Variants in DGKK observed in about 807,000 individuals in gnomAD.
The protein encoded by DGKK is 142 kDa diacylglycerol kinase.
DGKK carries 35 observed loss-of-function variants against 92.2 expected under a neutral mutation model. The observed-to-expected ratio is 0.38, with a 90% CI of 0.29 to 0.50. The LOEUF (loss-of-function observed/expected upper bound fraction) is 0.50. DGKK is among the 20% of genes least tolerant of loss of function. The pLI is 0.92. For synonymous variants in DGKK, 368 were observed against 360.6 expected (o/e 1.02, Z -0.23); for missense variants, 910 against 992.2 (o/e 0.92, Z 1.11).
At chrX:50,429,730 T>A (rs1557230093) in intron 1 of DGKK, among the ~76,000 whole-genome samples, 2 of 112,548 alleles carry the variant, frequency 1.8e-5, no homozygotes, top group African/African-American at 6.5e-5. Flanking sequence ...GACTATTCCA[T>A]ACTAGAACTC....
intron 1 of DGKK, among the ~76,000 whole-genome samples, chrX:50,464,935 C>T (rs1000291715): frequency 9.0e-6 from 1 of 111,277 alleles, no homozygotes; most frequent in African/African-American, 3.3e-5. Context: ...ATCCCCTTTT[C>T]CACCTCCCAT....
intron 4 of DGKK, among the ~76,000 whole-genome samples, chrX:50,416,929 C>T (rs192451146): frequency 1.0e-3 from 114 of 110,146 alleles, no homozygotes; most frequent in Middle Eastern, 4.7e-3. Flanking sequence ...GAGGAATTTA[C>T]GATATCCTCC....
At chrX:50,370,845 C>T (rs1924104846) in intron 26 of DGKK, among the ~76,000 whole-genome samples, 1 of 112,338 alleles carries the variant, frequency 8.9e-6, no homozygotes, top group South Asian at 3.7e-4. Flanking sequence ...GATGAGGAAG[C>T]AGAAGCTTGG....
At chrX:50,388,764 T>C (rs1924614842) in intron 12 of DGKK, 146 bp from the exon 13 acceptor site, 1 of 423,965 alleles carries the variant, frequency 2.4e-6, no homozygotes, top group Non-Finnish European at 4.0e-6. Context: ...GATCAAAGAA[T>C]TCTTGTTGAA....
At chrX:50,392,824 G>A (rs1557225705) in intron 9 of DGKK, among the ~76,000 whole-genome samples, 1 of 109,189 alleles carries the variant, frequency 9.2e-6, no homozygotes, top group East Asian at 2.8e-4. Flanking sequence ...CCGGGAAAGA[G>A]AGTGGCAGGA....
rs781998666 is a variant in DGKK at position 50,401,147 on chromosome X, G to A, written c.1309-8C>T. The A allele has an allele frequency of 1.9e-5, 22 of 1,176,345 alleles. No individual in the cohort carries two copies. The Admixed American group carries it at 3.5e-4, about 19-fold the overall frequency. On this transcript the variant is annotated splice_polypyrimidine_tract_variant and splice_region_variant and intron_variant, in intron 7 of 27. Coordinates refer to ENST00000611977, the MANE Select transcript of DGKK (RefSeq NM_001013742.4). ...CCTACAGTCATCATGCACCTGAAAC[G>A]ACAAGAGAAGAGCAGAGAAAAAAAA... is the stretch of plus-strand genomic sequence containing the variant.
chrX:50,445,291 C>T (rs1926271327), intron 1 of DGKK, among the ~76,000 whole-genome samples: 1 of 110,399 alleles, frequency 9.1e-6, no homozygotes, highest in South Asian at 3.8e-4. Flanking sequence ...TTAATTAGAT[C>T]CCGTTTGTCA....
intron 3 of DGKK, 60 bp from the exon 4 acceptor site, chrX:50,420,567 G>C (rs1925557667): frequency 2.0e-6 from 2 of 998,290 alleles, no homozygotes; most frequent in South Asian, 4.1e-5. Flanking sequence ...TTCAAACACA[G>C]TCTGTGAACT....
chrX:50,374,925 C>A, intron 25 of DGKK, 46 bp downstream of exon 25: 1 of 1,092,661 alleles, frequency 9.2e-7, no homozygotes, highest in South Asian at 1.9e-5. Flanking sequence ...TGACCATGTT[C>A]AGATAGAATA....
intron 1 of DGKK, among the ~76,000 whole-genome samples, chrX:50,446,149 T>C (rs947709797): frequency 4.5e-5 from 5 of 111,231 alleles, no homozygotes; most frequent in African/African-American, 1.6e-4. Flanking sequence ...GAGAGTTTGC[T>C]GAAGTTGTTT....
At chrX:50,450,933 T>C (rs782014224) in intron 1 of DGKK, among the ~76,000 whole-genome samples, 1 of 111,415 alleles carries the variant, frequency 9.0e-6, no homozygotes, top group African/African-American at 3.3e-5. Flanking sequence ...ATAGCCTTGT[T>C]CCCTCCAATT....
chrX:50,393,779 C>T (rs1924764124), intron 8 of DGKK, among the ~76,000 whole-genome samples: 1 of 111,736 alleles, frequency 8.9e-6, no homozygotes, highest in Admixed American at 9.4e-5. Context: ...CCCAGGATAC[C>T]TCAGTTCTTA....
chrX:50,388,562 C>T lies in DGKK; in HGVS notation c.1983G>A (p.Lys661=). ...TGATCATCTCTGTGGGGTACTTGGC[C>T]TTCAGGATTTTGTTCAACTCGGTGG... The part of the protein sequence containing the change: ...SAATELNKIL[K]AKYPTEMIIA... The change falls in exon 13 of 28, where the codon AAG becomes AAA. Residue 661 remains lysine, a synonymous_variant. Coordinates refer to ENST00000611977, the MANE Select transcript of DGKK (RefSeq NM_001013742.4). 3 of 1,209,263 alleles carry T rather than the reference C, an allele frequency of 2.5e-6. No homozygotes were observed.
intron 4 of DGKK, among the ~76,000 whole-genome samples, chrX:50,417,262 T>C (rs1282602803): frequency 1.8e-5 from 2 of 110,277 alleles, no homozygotes; most frequent in African/African-American, 3.3e-5. Flanking sequence ...GTTGGAAAGT[T>C]ATTTCAACTA....
chrX:50,383,383 C>T (rs1473930855), intron 17 of DGKK, among the ~76,000 whole-genome samples: 1 of 111,451 alleles, frequency 9.0e-6, no homozygotes, highest in African/African-American at 3.3e-5. Context: ...AGAGCTCAGA[C>T]ATAAATTTGA....
intron 1 of DGKK, among the ~76,000 whole-genome samples, chrX:50,462,646 A>G (rs1270767856): frequency 2.8e-5 from 3 of 108,720 alleles, no homozygotes; most frequent in Non-Finnish European, 3.8e-5. Context: ...CTCCAGGGGA[A>G]AAGATTCATT....
rs193264269 is a variant in DGKK, at chrX:50,366,037, G to A, written c.*2903C>T. Reference sequence around the variant, plus strand: ...CAGGAATTGCCTACCCAACCAATTCGTCAGAAAGTGCTACCAAAGATACAA... The same window carrying A: ...CAGGAATTGCCTACCCAACCAATTCATCAGAAAGTGCTACCAAAGATACAA... On this transcript the variant is annotated 3_prime_UTR_variant, in exon 28 of 28. Coordinates refer to ENST00000611977, the MANE Select transcript of DGKK (RefSeq NM_001013742.4). 3.8e-4 allele frequency: 42 copies of A among 111,428 alleles called. No homozygotes were observed. The highest frequency in any genetic ancestry group is 1.0e-3 in the African/African-American group (32 of 30,607). 9.2% of individuals were successfully genotyped at this position (111,428 alleles called of 1,213,427 possible).
At position 50,441,852 on chromosome X, in the gene DGKK, T is replaced by C. The variant is rs782122978; in HGVS notation, c.646-17494A>G. 3.6e-5 allele frequency among the ~76,000 whole-genome samples: 4 copies of C among 112,029 alleles called. No homozygotes were observed. In the East Asian group the frequency reaches 1.1e-3, roughly 31 times the overall value. ...GTGTGTAGCTATATATTAGCTTAAG[T>C]ATAAACCTTTTAATACATTGATATA... On this transcript the variant is annotated intron_variant, in intron 1 of 27. Coordinates refer to ENST00000611977, the MANE Select transcript of DGKK (RefSeq NM_001013742.4).
intron 17 of DGKK, among the ~76,000 whole-genome samples, chrX:50,382,938 C>T (rs1472478372): frequency 3.6e-5 from 4 of 111,738 alleles, no homozygotes; most frequent in African/African-American, 1.3e-4. Flanking sequence ...AAGGGAAATA[C>T]TGTTTACTCC....
Sources: allele counts gnomAD v4.1 joint callset (sites outside exome capture counted in the v4.1 genomes callset), GRCh38; gene constraint gnomAD v4.1.1; transcripts MANE v1.5; gene names NCBI Gene and HGNC (gene_info 2026-07-23, HGNC 2026-07-21).